FRMD6: variants seen among roughly 807,000 people sequenced by gnomAD.
FRMD6 encodes the protein FERM domain containing 6.
FRMD6 carries 37 observed loss-of-function variants against 73.2 expected under a neutral mutation model. The ratio of observed to expected loss-of-function variants is 0.51; its 90% CI spans 0.39 to 0.66. The LOEUF (loss-of-function observed/expected upper bound fraction) is 0.66. Ranked by LOEUF, FRMD6 falls within the 30% of genes least tolerant of loss-of-function variation. The probability of loss-of-function intolerance (pLI) is 0.00; values close to 1 mark genes in which losing one functional copy is unlikely to be tolerated. For synonymous variants in FRMD6, 273 were observed against 282.2 expected (o/e 0.97, Z 0.33); for missense variants, 714 against 780.5 (o/e 0.91, Z 1.02).
At chr14:51,620,708 C>G (rs1393908009) in intron 2 of FRMD6, among the ~76,000 whole-genome samples, 3 of 152,174 alleles carry the variant, frequency 2.0e-5, no homozygotes, top group African/African-American at 7.2e-5. Flanking sequence ...CAGTGGCAGT[C>G]CAGCCCCAGC....
chr14:51,573,048 T>A (rs78346592), intron 2 of FRMD6, among the ~76,000 whole-genome samples: 5,684 of 152,316 alleles, frequency 0.037, 148 homozygotes, highest in Non-Finnish European at 0.054. Flanking sequence ...GAGAAGGGGA[T>A]CTATCTAGAC....
chr14:51,569,916 C>T (rs564122921), intron 1 of FRMD6, among the ~76,000 whole-genome samples: 10 of 151,766 alleles, frequency 6.6e-5, no homozygotes, highest in South Asian at 4.2e-4. Context: ...CCTGGGTTCA[C>T]GCCATTCTCC....
chr14:51,572,905 C>T (rs17586713), intron 2 of FRMD6, among the ~76,000 whole-genome samples: 6,690 of 152,228 alleles, frequency 0.044, 198 homozygotes, highest in Non-Finnish European at 0.069. Context: ...CTTATAGACT[C>T]ACTTGAAATT....
intron 2 of FRMD6, among the ~76,000 whole-genome samples, chr14:51,603,031 T>A (rs1459158151): frequency 6.6e-6 from 1 of 152,118 alleles, no homozygotes; most frequent in African/African-American, 2.4e-5. Flanking sequence ...TTTTAGGAAG[T>A]GATTAAGTCA....
intron 2 of FRMD6, among the ~76,000 whole-genome samples, chr14:51,641,864 C>T (rs1426789096): frequency 6.6e-6 from 1 of 152,144 alleles, no homozygotes; most frequent in Non-Finnish European, 1.5e-5. Flanking sequence ...CCCCGCTTTC[C>T]CCATAAAGCT....
intron 1 of FRMD6, among the ~76,000 whole-genome samples, chr14:51,558,081 T>C (rs931430112): frequency 2.0e-5 from 3 of 152,260 alleles, no homozygotes; most frequent in Admixed American, 6.5e-5. Flanking sequence ...ATTGTATAGT[T>C]GTCTTTTATT....
intron 2 of FRMD6, among the ~76,000 whole-genome samples, chr14:51,611,135 A>C (rs1220541919): frequency 6.6e-6 from 1 of 152,210 alleles, no homozygotes; most frequent in Non-Finnish European, 1.5e-5. Flanking sequence ...GAGAGTGTCA[A>C]GCCAGGAATC....
At chr14:51,568,160 T>G (rs1164920844) in intron 1 of FRMD6, among the ~76,000 whole-genome samples, 1 of 152,250 alleles carries the variant, frequency 6.6e-6, no homozygotes, top group Non-Finnish European at 1.5e-5. Context: ...ATAGGCTATA[T>G]TTAGTCCCAT....
At chr14:51,397,079 G>A in the FRMD6 span, 1 of 152,336 alleles carries the variant, frequency 6.6e-6, no homozygotes, top group African/African-American at 2.4e-5. Flanking sequence ...CTTGAGTTTG[G>A]TCAGTGAGGA....
chr14:51,563,669 C>CA (rs778650578), intron 1 of FRMD6, among the ~76,000 whole-genome samples: 70 of 148,554 alleles, frequency 4.7e-4, no homozygotes, highest in South Asian at 2.2e-3. Context: ...GATTCAGTCT[C>CA]AAAAAAAAAG....
the FRMD6 span, among the ~76,000 whole-genome samples, chr14:51,427,668 C>T: frequency 5.9e-5 from 9 of 152,284 alleles, no homozygotes; most frequent in African/African-American, 2.2e-4. Flanking sequence ...ATGCTGTTCC[C>T]GTGTTTTCCA....
At chr14:51,435,198 A>T in the FRMD6 span, among the ~76,000 whole-genome samples, 1 of 152,192 alleles carries the variant, frequency 6.6e-6, no homozygotes. Context: ...AAGACTATAT[A>T]AGATGTGGTC....
At chr14:51,406,139 AT>A in the FRMD6 span, among the ~76,000 whole-genome samples, 1 of 151,840 alleles carries the variant, frequency 6.6e-6, no homozygotes, top group Non-Finnish European at 1.5e-5. Flanking sequence ...AGAGATGGTC[AT>A]AGGTGAGCGG....
chr14:51,457,346 T>G, the FRMD6 span, among the ~76,000 whole-genome samples: 1 of 151,894 alleles, frequency 6.6e-6, no homozygotes, highest in Non-Finnish European at 1.5e-5. Flanking sequence ...AAGTATATGA[T>G]GACTAGAAAA....
At chr14:51,444,419 G>A in the FRMD6 span, among the ~76,000 whole-genome samples, 1 of 152,190 alleles carries the variant, frequency 6.6e-6, no homozygotes, top group Admixed American at 6.5e-5. Flanking sequence ...TTTGTACAGG[G>A]TTGCCATGAT....
intron 1 of FRMD6, among the ~76,000 whole-genome samples, chr14:51,516,810 T>C (rs549580835): frequency 6.6e-6 from 1 of 152,298 alleles, no homozygotes; most frequent in African/African-American, 2.4e-5. Flanking sequence ...ATGCAAATGG[T>C]ATTATGGGAT....
intron 2 of FRMD6, chr14:51,579,103 T>C (rs1376467084): frequency 6.6e-6 from 1 of 152,070 alleles, no homozygotes; most frequent in Non-Finnish European, 1.5e-5. Flanking sequence ...AGGGACAATC[T>C]TTCATCTCTC....
At chr14:51,661,936 G>A (rs1055921049) in intron 1 of FRMD6, among the ~76,000 whole-genome samples, 8 of 152,188 alleles carry the variant, frequency 5.3e-5, no homozygotes, top group Non-Finnish European at 5.9e-5. Context: ...GTTGGAGGCC[G>A]TGCATATCTT....
chr14:51,549,620 CAG>C (rs1360574380), intron 1 of FRMD6, among the ~76,000 whole-genome samples: 1 of 73,230 alleles, frequency 1.4e-5, no homozygotes, highest in South Asian at 4.9e-4. Flanking sequence ...TTTTTTGAGA[CAG>C]AGTCTCGCTG....
Sources: allele counts gnomAD v4.1 joint callset (sites outside exome capture counted in the v4.1 genomes callset), GRCh38; gene constraint gnomAD v4.1.1; transcripts MANE v1.5; gene names NCBI Gene and HGNC (gene_info 2026-07-23, HGNC 2026-07-21).